The following SHTN1 variants were observed in gnomAD, a reference collection of about 807,000 sequenced individuals.
SHTN1 encodes shootin-1.
A neutral mutation model predicts 83.1 loss-of-function variants in SHTN1; 42 were observed. That is an observed-to-expected ratio of 0.51 (90% CI 0.39 to 0.65). The LOEUF (loss-of-function observed/expected upper bound fraction) is 0.65. Among genes scored for constraint, SHTN1 ranks in the 30% least tolerant of loss-of-function variants. The pLI is 0.00. For missense variants in SHTN1, 622 were observed against 737.8 expected (o/e 0.84, Z 1.82); for synonymous variants, 224 against 247.7 (o/e 0.90, Z 0.90).
At chr10:116,921,220 T>A (rs1848553026) in intron 12 of SHTN1, among the ~76,000 whole-genome samples, 1 of 152,140 alleles carries the variant, frequency 6.6e-6, no homozygotes, top group Non-Finnish European at 1.5e-5. Context: ...TATTTGCCAG[T>A]ATGTCTCTTA....
At chr10:116,900,750 C>A in intron 16 of SHTN1, 1 of 984,060 alleles carries the variant, frequency 1.0e-6, no homozygotes, top group Non-Finnish European at 1.2e-6. Context: ...TCAAATGACT[C>A]TAGTCAAAAG....
chr10:117,005,215 C>A, upstream of SHTN1: 2 of 1,511,314 alleles, frequency 1.3e-6, no homozygotes, highest in Admixed American at 2.0e-5. Flanking sequence ...CGCTCCTCCT[C>A]CTCCTGGCGC....
upstream of SHTN1, among the ~76,000 whole-genome samples, chr10:117,006,848 A>G (rs1488703768): frequency 6.6e-6 from 1 of 151,956 alleles, no homozygotes; most frequent in Non-Finnish European, 1.5e-5. Flanking sequence ...AGTGAGGTTG[A>G]GATATGGGTA....
At chr10:116,997,238 G>A (rs544715612) in intron 1 of SHTN1, among the ~76,000 whole-genome samples, 1 of 152,326 alleles carries the variant, frequency 6.6e-6, no homozygotes, top group African/African-American at 2.4e-5. Context: ...GCCTTTGGAA[G>A]CCTGGAACTG....
In SHTN1 at chr10:116,970,757, G is replaced by A. The variant is rs557368947; in HGVS notation, c.112-2045C>T. 3.4e-5 allele frequency among the ~76,000 whole-genome samples: 5 copies of A among 148,696 alleles called. No homozygotes were observed. In the East Asian group the frequency reaches 9.8e-4, roughly 29 times the overall value. ...CCATCATGTTAAATGAGTTGCAGAA[G>A]ATATATCAGATATATCAAATAATAT... On this transcript the variant is annotated intron_variant, in intron 2 of 16. Transcript: ENST00000355371.
chr10:117,101,964 G>A (rs1013679666), intron 1 of SHTN1, among the ~76,000 whole-genome samples: 5 of 150,156 alleles, frequency 3.3e-5, no homozygotes, highest in African/African-American at 1.2e-4. Flanking sequence ...AATTATAAAT[G>A]GTAGAAGTAA....
chr10:117,070,391 G>A (rs1021530562), intron 1 of SHTN1, among the ~76,000 whole-genome samples: 3 of 151,790 alleles, frequency 2.0e-5, no homozygotes, highest in African/African-American at 7.3e-5. Flanking sequence ...GACTCTTGGG[G>A]GCTCCTTTCC....
intron 2 of SHTN1, among the ~76,000 whole-genome samples, chr10:117,017,802 G>A (rs114711046): frequency 0.024 from 3,647 of 152,188 alleles, 148 homozygotes; most frequent in African/African-American, 0.082. Flanking sequence ...GTTTAACTAA[G>A]TGATCAAGGT....
chr10:116,984,631 C>T (rs765017848), intron 1 of SHTN1, among the ~76,000 whole-genome samples: 5 of 152,172 alleles, frequency 3.3e-5, no homozygotes, highest in Non-Finnish European at 7.3e-5. Flanking sequence ...GCTCAAACCT[C>T]TAAAAAGTAT....
chr10:117,032,759 A>T (rs1409974154), intron 2 of SHTN1, among the ~76,000 whole-genome samples: 2 of 152,206 alleles, frequency 1.3e-5, no homozygotes, highest in Non-Finnish European at 2.9e-5. Context: ...CAGCACATGG[A>T]TCATTCTCAA....
At chr10:117,082,317 T>C (rs1276661547) in intron 1 of SHTN1, among the ~76,000 whole-genome samples, 1 of 139,960 alleles carries the variant, frequency 7.1e-6, no homozygotes, top group Non-Finnish European at 1.5e-5. Context: ...CAGGAGCAGG[T>C]TGTTCAGTTT....
chr10:117,022,764 T>C (rs1211741412), intron 2 of SHTN1, among the ~76,000 whole-genome samples: 1 of 151,996 alleles, frequency 6.6e-6, no homozygotes, highest in Non-Finnish European at 1.5e-5. Context: ...TTATTAAAAA[T>C]ACAAAAATTA....
chr10:117,005,399 A>G (rs1048489764), upstream of SHTN1: 3 of 1,157,248 alleles, frequency 2.6e-6, no homozygotes, highest in South Asian at 6.6e-5. Flanking sequence ...CGCTGGTGGG[A>G]GGGGGGGCGG....
chr10:117,078,899 T>C (rs996788610), intron 1 of SHTN1, among the ~76,000 whole-genome samples: 1 of 152,184 alleles, frequency 6.6e-6, no homozygotes, highest in Non-Finnish European at 1.5e-5. Context: ...GGCAGAGTTG[T>C]TTATAATAGT....
At chr10:116,911,085 G>C (rs1445704468) in intron 14 of SHTN1, among the ~76,000 whole-genome samples, 4 of 152,140 alleles carry the variant, frequency 2.6e-5, no homozygotes, top group African/African-American at 9.7e-5. Flanking sequence ...ACTGGGACTG[G>C]GACCGTAACA....
rs1346509286 is a variant in SHTN1 at position 116,906,547 on chromosome 10, T to C, written c.1480+80A>G. ...TATTTTAATAATACTTTTTAAAAGA[T>C]TGTTTCATGTAAAAAGAGACTTAGA... On this transcript the variant is annotated intron_variant, in intron 15 of 16. Transcript: ENST00000355371. 13 of 1,370,212 alleles carry C rather than the reference T, an allele frequency of 9.5e-6. No individual in the cohort carries two copies. In the South Asian group the frequency reaches 1.4e-4, roughly 15 times the overall value. The allele number at this position is 1,370,212 out of a possible 1,614,324, so 84.9% of individuals were successfully genotyped here. A position where few individuals can be genotyped will look rare whatever the true frequency, so the allele number is the denominator to read the frequency against.
intron 14 of SHTN1, chr10:116,907,900 C>T (rs1238626723): frequency 3.9e-6 from 2 of 518,340 alleles, no homozygotes; most frequent in South Asian, 2.8e-5. Context: ...AATCCTGCTC[C>T]CTCCCTGCCT....
intron 1 of SHTN1, among the ~76,000 whole-genome samples, chr10:116,997,968 T>G (rs1213615637): frequency 2.0e-5 from 3 of 152,280 alleles, no homozygotes; most frequent in Non-Finnish European, 4.4e-5. Context: ...GGCGGGCGCC[T>G]GTAGTCCCAG....
chr10:116,927,838 G>T lies in SHTN1; in HGVS notation c.1066C>A (p.Pro356Thr). ...GGGGGAAGTGGTGGTGGAGGAGGAG[G>T]TGGTGGAGGTACTGAATTCTCAGAC... is the stretch of plus-strand genomic sequence containing the variant. ...NQSENSVPPP[P>T]PPPPPLPPPP... The change falls in exon 11 of 17, where the codon CCT (proline) becomes ACT (threonine). Residue 356 changes from proline (P) to threonine (T), a missense_variant. Physicochemically the swap from Pro to Thr is conservative, Grantham distance 38. This residue lies in a region of SHTN1 where 383 missense variants were observed against 455.8 expected (regional missense o/e 0.84). Transcript: ENST00000355371. The T allele has an allele frequency of 1.2e-6, 2 of 1,610,062 alleles. No homozygotes were observed. Among genetic ancestry groups the T allele is most frequent in the African/African-American group, 1.3e-5 (1 of 74,770 alleles).
Sources: allele counts gnomAD v4.1 joint callset (sites outside exome capture counted in the v4.1 genomes callset), GRCh38; gene constraint gnomAD v4.1.1; regional missense constraint gnomAD v4.1.1; transcripts MANE v1.5; gene names NCBI Gene and HGNC (gene_info 2026-07-23, HGNC 2026-07-21).